Variants in RHBDF2 observed in about 807,000 individuals in gnomAD.
The protein encoded by RHBDF2 is inactive rhomboid protein 2.
Under a neutral mutation model 95.2 loss-of-function variants are expected in RHBDF2, and 38 were observed. The ratio of observed to expected loss-of-function variants is 0.40; its 90% CI spans 0.31 to 0.52. The LOEUF (loss-of-function observed/expected upper bound fraction) is 0.52, where lower values mean the gene tolerates loss of function less well. Among genes scored for constraint, RHBDF2 ranks in the 20% least tolerant of loss-of-function variants. RHBDF2 has a pLI of 0.56. For missense variants in RHBDF2, 863 were observed against 1,137.7 expected (o/e 0.76, Z 3.47); for synonymous variants, 442 against 462.0 (o/e 0.96, Z 0.55).
chr17:76,472,408 C>T, intron 18 of RHBDF2: 1 of 573,578 alleles, frequency 1.7e-6, no homozygotes, highest in Non-Finnish European at 3.1e-6. Flanking sequence ...CCATTTCCTA[C>T]CGCTCGACCT....
intron 15 of RHBDF2, 64 bp from the exon 16 acceptor site, chr17:76,473,391 C>T: frequency 7.0e-7 from 1 of 1,420,686 alleles, no homozygotes; most frequent in Non-Finnish European, 9.8e-7. Flanking sequence ...CACCTTTGCC[C>T]AGAGCCCAGC....
intron 1 of RHBDF2, among the ~76,000 whole-genome samples, chr17:76,494,181 C>A (rs1015670295): frequency 3.9e-5 from 6 of 152,206 alleles, no homozygotes; most frequent in Non-Finnish European, 8.8e-5. Context: ...CTGACGCCCC[C>A]TCTGCACCAA....
intron 3 of RHBDF2, 79 bp downstream of exon 3, chr17:76,481,296 T>C (rs2073955288): frequency 3.3e-6 from 5 of 1,496,228 alleles, no homozygotes; most frequent in Middle Eastern, 2.0e-4. Flanking sequence ...CTCTGGGAAG[T>C]GAAACTGACC....
chr17:76,472,871 C>A, intron 17 of RHBDF2, 32 bp from the exon 18 acceptor site: 1 of 1,575,558 alleles, frequency 6.3e-7, no homozygotes, highest in Non-Finnish European at 8.6e-7. Context: ...CAGCGGCCTT[C>A]AGCCAGGCAC....
intron 2 of RHBDF2, among the ~76,000 whole-genome samples, chr17:76,487,249 CA>C (rs1377774187): frequency 7.3e-5 from 8 of 109,708 alleles, no homozygotes; most frequent in South Asian, 2.8e-4. Context: ...GCATGCCTGG[CA>C]AATTTTTTTT....
chr17:76,479,999 T>C (rs1277894252), intron 3 of RHBDF2, 145 bp from the exon 4 acceptor site: 8 of 862,372 alleles, frequency 9.3e-6, no homozygotes, highest in Middle Eastern at 2.3e-4. Flanking sequence ...TGGAAATATA[T>C]ATATATAATG....
At chr17:76,477,984 C>A (rs903347427) in intron 6 of RHBDF2, among the ~76,000 whole-genome samples, 199 bp from the exon 7 acceptor site, 1 of 152,258 alleles carries the variant, frequency 6.6e-6, no homozygotes, top group South Asian at 2.1e-4. Flanking sequence ...AAATGAGACA[C>A]CAGCTTCCGT....
chr17:76,480,520 G>T (rs1464092843), intron 3 of RHBDF2, among the ~76,000 whole-genome samples: 1 of 151,882 alleles, frequency 6.6e-6, no homozygotes, highest in Non-Finnish European at 1.5e-5. Context: ...AAGTAGCTGG[G>T]ATTACAGGCA....
Position 76,477,012 on chromosome 17 carries a change from G to A in RHBDF2, c.933C>T (p.Gly311=). ...GCCGGGGCCCGGGGACTGGGGCTCG[G>A]CCATACTCCTTCCTGGTGGGGATGG... The part of the protein sequence containing the change: ...DGVQIPLKEY[G]RAPVPGPRRG... Residue 311 remains glycine, a synonymous_variant, in exon 9 of 19, where the codon GGC becomes GGT. Transcript: ENST00000675367. 6.2e-7 allele frequency: 1 copy of A among 1,613,000 alleles called. No homozygotes were observed. The highest frequency in any genetic ancestry group is 8.5e-7 in the Non-Finnish European group (1 of 1,179,860).
chr17:76,498,286 G>T (rs1023524000), intron 1 of RHBDF2, among the ~76,000 whole-genome samples: 2 of 152,098 alleles, frequency 1.3e-5, no homozygotes, highest in Non-Finnish European at 1.5e-5. Flanking sequence ...TAGGAAACTG[G>T]GAGCCGCTTC....
Position 76,471,994 on chromosome 17 carries a change from T to G in RHBDF2, c.2123A>C (p.Gln708Pro). Residue 708 changes from glutamine to proline, a missense_variant, in exon 19 of 19, where the codon CAG becomes CCG. Coordinates refer to ENST00000675367, the MANE Select transcript of RHBDF2 (RefSeq NM_001005498.4). ...LLACLFVELFQSWPLLERPWK... is the reference protein window; with the variant it reads ...LLACLFVELFPSWPLLERPWK... ...GGGCCTCTCCAGCAGCGGCCAGCTC[T>G]GGAAGAGCTCCACGAAGAGGCAGGC... The G allele has an allele frequency of 6.3e-7, 1 of 1,576,480 alleles. No homozygotes were observed. The highest frequency in any genetic ancestry group is 8.6e-7 in the Non-Finnish European group (1 of 1,160,852).
chr17:76,492,754 T>TGGGGC (rs902458067), intron 1 of RHBDF2, among the ~76,000 whole-genome samples: 4 of 152,148 alleles, frequency 2.6e-5, no homozygotes, highest in African/African-American at 9.7e-5. Flanking sequence ...ATGGGCTTTA[T>TGGGGC]GGGGCAGGGC....
chr17:76,472,552 T>C (rs1292480582), intron 18 of RHBDF2, 134 bp downstream of exon 18: 2 of 1,144,844 alleles, frequency 1.7e-6, no homozygotes, highest in Non-Finnish European at 2.6e-6. Flanking sequence ...AGCCCCCAGA[T>C]TAGCTGTCCC....
At chr17:76,490,975 G>A (rs761051977) in intron 1 of RHBDF2, among the ~76,000 whole-genome samples, 3 of 152,124 alleles carry the variant, frequency 2.0e-5, no homozygotes, top group Non-Finnish European at 2.9e-5. Flanking sequence ...CCTCATCAAT[G>A]GCTAACTGAA....
Position 76,472,985 on chromosome 17 carries a change from G to A in RHBDF2, c.1910+20C>T, listed in dbSNP as rs1021411650. The A allele has an allele frequency of 1.9e-6, 3 of 1,610,172 alleles. No homozygotes were observed. The highest frequency in any genetic ancestry group is 2.5e-6 in the Non-Finnish European group (3 of 1,176,600). Reference sequence around the variant, plus strand: ...GGCCATCACAGGGGTCGGGTTCGGGGGCAGTGAGGAGCCTCTTACCCAGCA... The same window carrying A: ...GGCCATCACAGGGGTCGGGTTCGGGAGCAGTGAGGAGCCTCTTACCCAGCA... On this transcript the variant is annotated intron_variant, in intron 17 of 18. Transcript: ENST00000675367.
At chr17:76,498,828 C>T (rs60219625) in intron 1 of RHBDF2, among the ~76,000 whole-genome samples, 30 of 80,216 alleles carry the variant, frequency 3.7e-4, no homozygotes, top group Non-Finnish European at 1.3e-4. Context: ...GTGTGTGAGT[C>T]TGTGTGTGTC....
chr17:76,477,821 A>C (rs751651896), intron 6 of RHBDF2, 36 bp from the exon 7 acceptor site: 2 of 1,599,488 alleles, frequency 1.3e-6, no homozygotes, highest in East Asian at 4.5e-5. Context: ...TCAGGACCAC[A>C]GCCTGGCCAC....
intron 9 of RHBDF2, 184 bp downstream of exon 9, chr17:76,476,640 CCCCTGG>C (rs2073780073): frequency 1.3e-6 from 1 of 797,070 alleles, no homozygotes; most frequent in Non-Finnish European, 1.9e-6. Context: ...GCAGCAAGCA[CCCCTGG>C]CCCTTCCCAG....
At chr17:76,477,414 G>T in intron 7 of RHBDF2, 116 bp from the exon 8 acceptor site, 1 of 1,319,318 alleles carries the variant, frequency 7.6e-7, no homozygotes, top group Non-Finnish European at 1.0e-6. Flanking sequence ...CAATGAATTG[G>T]GAAGCCACAT....
Sources: allele counts gnomAD v4.1 joint callset (sites outside exome capture counted in the v4.1 genomes callset), GRCh38; gene constraint gnomAD v4.1.1; transcripts MANE v1.5; gene names NCBI Gene and HGNC (gene_info 2026-07-23, HGNC 2026-07-21).